The following DLGAP2 variants were observed in gnomAD, a reference collection of about 807,000 sequenced individuals.
DLGAP2 encodes the protein disks large-associated protein 2.
A neutral mutation model predicts 100.3 loss-of-function variants in DLGAP2; 26 were observed. The observed-to-expected ratio is 0.26, with a 90% CI of 0.19 to 0.36. DLGAP2 has a LOEUF of 0.36. Among genes scored for constraint, DLGAP2 ranks in the 10% least tolerant of loss-of-function variants. DLGAP2 has a pLI of 1.00. For synonymous variants in DLGAP2, 886 were observed against 630.1 expected, an observed-to-expected ratio of 1.41 and a Z score of -6.08; for missense variants, 1,858 against 1,453.2, an observed-to-expected ratio of 1.28 and a Z score of -4.53.
At chr8:1,622,971 G>C (rs1431023875) in intron 6 of DLGAP2, among the ~76,000 whole-genome samples, 1 of 152,190 alleles carries the variant, frequency 6.6e-6, no homozygotes, top group Non-Finnish European at 1.5e-5. Flanking sequence ...CCCCCATCTT[G>C]ATTGGCTCCC....
chr8:1,546,930 C>G (rs993786766), intron 4 of DLGAP2, among the ~76,000 whole-genome samples: 2 of 152,146 alleles, frequency 1.3e-5, no homozygotes, highest in Non-Finnish European at 2.9e-5. Context: ...TAGTTCCCTT[C>G]CTGAGGAGAC....
At chr8:787,817 G>A (rs1821914258) in intron 1 of DLGAP2, among the ~76,000 whole-genome samples, 1 of 152,214 alleles carries the variant, frequency 6.6e-6, no homozygotes, top group Admixed American at 6.5e-5. Context: ...TGGGGCTTGA[G>A]GCCTGGGTTT....
intron 3 of DLGAP2, among the ~76,000 whole-genome samples, chr8:1,412,463 A>C (rs965368129): frequency 6.6e-6 from 1 of 152,202 alleles, no homozygotes; most frequent in Non-Finnish European, 1.5e-5. Flanking sequence ...GATCTCACGA[A>C]TTCAGTGCTG....
intron 3 of DLGAP2, among the ~76,000 whole-genome samples, chr8:1,322,275 A>T (rs185746359): frequency 1.6e-4 from 24 of 152,388 alleles, no homozygotes; most frequent in Admixed American, 4.6e-4. Context: ...AATTTTAGTT[A>T]AAAGCCAAGC....
chr8:1,471,808 G>A (rs553402973), intron 3 of DLGAP2, among the ~76,000 whole-genome samples: 15 of 152,246 alleles, frequency 9.9e-5, no homozygotes, highest in African/African-American at 3.1e-4. Flanking sequence ...GCTAAAGCTG[G>A]GTGAAATCAC....
chr8:1,077,906 C>A (rs192321169), intron 2 of DLGAP2, among the ~76,000 whole-genome samples: 6 of 152,200 alleles, frequency 3.9e-5, no homozygotes, highest in African/African-American at 1.4e-4. Context: ...AGTTCTCCAG[C>A]GGCCGCCGCA....
intron 1 of DLGAP2, among the ~76,000 whole-genome samples, chr8:854,969 T>C (rs948350931): frequency 6.6e-6 from 1 of 152,098 alleles, no homozygotes; most frequent in African/African-American, 2.4e-5. Flanking sequence ...TTGGGCAAAG[T>C]GCAGGTTAAA....
chr8:1,456,363 C>A (rs116031500), intron 3 of DLGAP2, among the ~76,000 whole-genome samples: 1 of 152,154 alleles, frequency 6.6e-6, no homozygotes. Flanking sequence ...GAAATTCTGT[C>A]GTCTTCCTGA....
chr8:902,371 C>G (rs998838580), intron 1 of DLGAP2, among the ~76,000 whole-genome samples: 1 of 148,644 alleles, frequency 6.7e-6, no homozygotes, highest in South Asian at 2.2e-4. Flanking sequence ...TGGGGGGGCA[C>G]TCCAAGGGCA....
At chr8:1,677,925 T>C (rs1306163691) in intron 11 of DLGAP2, among the ~76,000 whole-genome samples, 2 of 152,238 alleles carry the variant, frequency 1.3e-5, no homozygotes, top group African/African-American at 4.8e-5. Context: ...TTGCTAATGG[T>C]GGTTTCAAGA....
chr8:1,370,050 C>G (rs1260101721), intron 3 of DLGAP2, among the ~76,000 whole-genome samples: 1 of 152,124 alleles, frequency 6.6e-6, no homozygotes, highest in Non-Finnish European at 1.5e-5. Context: ...CGGTCCAGCC[C>G]CCATTGGCCA....
At chr8:1,103,823 C>A (rs1186624425) in intron 2 of DLGAP2, among the ~76,000 whole-genome samples, 2 of 152,132 alleles carry the variant, frequency 1.3e-5, no homozygotes, top group Admixed American at 1.3e-4. Flanking sequence ...TGGCAGGTGT[C>A]TGCTGTATTC....
chr8:839,378 A>C (rs1471679252), intron 1 of DLGAP2, among the ~76,000 whole-genome samples: 1 of 152,242 alleles, frequency 6.6e-6, no homozygotes, highest in Non-Finnish European at 1.5e-5. Flanking sequence ...ATATAGATGC[A>C]CAATGGAATA....
At chr8:1,610,420 C>A (rs1311155706) in intron 6 of DLGAP2, among the ~76,000 whole-genome samples, 1 of 150,082 alleles carries the variant, frequency 6.7e-6, no homozygotes, top group African/African-American at 2.5e-5. Flanking sequence ...GCACTGAATG[C>A]CCACAAGAGA....
At chr8:943,964 C>T (rs988030735) in intron 2 of DLGAP2, among the ~76,000 whole-genome samples, 7 of 152,362 alleles carry the variant, frequency 4.6e-5, no homozygotes, top group African/African-American at 1.7e-4. Flanking sequence ...ATAGTGAAGA[C>T]ATCAAGATCT....
intron 2 of DLGAP2, among the ~76,000 whole-genome samples, chr8:1,180,784 G>A (rs1198966735): frequency 6.6e-6 from 1 of 152,182 alleles, no homozygotes; most frequent in Non-Finnish European, 1.5e-5. Context: ...TCGAGTGTGT[G>A]TGGGTGTGCA....
intron 2 of DLGAP2, among the ~76,000 whole-genome samples, chr8:1,223,587 A>G (rs1798359475): frequency 6.6e-6 from 1 of 152,214 alleles, no homozygotes; most frequent in African/African-American, 2.4e-5. Context: ...CTCTTTTTTA[A>G]AAATATGACA....
intron 1 of DLGAP2, among the ~76,000 whole-genome samples, chr8:841,366 C>CT (rs1563058611): frequency 6.6e-6 from 1 of 152,322 alleles, no homozygotes; most frequent in East Asian, 1.9e-4. Context: ...TCACTTGGCT[C>CT]TGAGTCCTTG....
At chr8:1,637,643 A>T (rs1225561157) in intron 8 of DLGAP2, among the ~76,000 whole-genome samples, 1 of 152,228 alleles carries the variant, frequency 6.6e-6, no homozygotes, top group Non-Finnish European at 1.5e-5. Flanking sequence ...CCAATTGAAG[A>T]TTCTAAAGAA....
Sources: gnomAD v4.1 joint callset for allele counts (sites outside exome capture counted in the v4.1 genomes callset) on GRCh38, gnomAD v4.1.1 for gene constraint, MANE v1.5 for transcripts, NCBI Gene and HGNC (gene_info 2026-07-23, HGNC 2026-07-21) for gene names.